Variants in EP300 observed in about 807,000 individuals in gnomAD.
EP300 encodes histone acetyltransferase p300.
Under a neutral mutation model 264.0 loss-of-function variants are expected in EP300, and 31 were observed. That is an observed-to-expected ratio of 0.12 (90% CI 0.09 to 0.16). EP300 has a LOEUF of 0.16. EP300 is among the 10% of genes least tolerant of loss of function. The pLI is 1.00. For synonymous variants in EP300, 1,340 were observed against 1,045.4 expected, an observed-to-expected ratio of 1.28 and a Z score of -5.44; for missense variants, 2,766 against 3,052.9, an observed-to-expected ratio of 0.91 and a Z score of 2.21.
chr22:41,137,571 C>T, intron 7 of EP300, 82 bp from the exon 8 acceptor site: 1 of 1,565,084 alleles, frequency 6.4e-7, no homozygotes, highest in Non-Finnish European at 8.8e-7. Flanking sequence ...GATTCCATTA[C>T]AATAATCAGT....
chr22:41,135,221 C>G (rs142018922), intron 6 of EP300, among the ~76,000 whole-genome samples: 6 of 152,260 alleles, frequency 3.9e-5, no homozygotes, highest in African/African-American at 1.4e-4. Context: ...TTCCATGTTA[C>G]GCAGAATGCA....
chr22:41,152,409 G>C (rs2145741386), intron 16 of EP300, 59 bp downstream of exon 16: 1 of 1,569,886 alleles, frequency 6.4e-7, no homozygotes. Context: ...ACCCAGGGCA[G>C]AATTGCGGTC....
At position 41,170,526 on chromosome 22, in the gene EP300, A is replaced by G; in HGVS notation, c.4407A>G (p.Lys1469=). 6.2e-7 allele frequency: 1 copy of G among 1,614,178 alleles called. No individual in the cohort carries two copies. The highest frequency in any genetic ancestry group is 8.5e-7 in the Non-Finnish European group (1 of 1,180,022). ...AGCGACTGCAGGAATGGTACAAAAA[A>G]ATGCTTGACAAGGCTGTATCAGAGC... ...KPKRLQEWYK[K]MLDKAVSERI... Residue 1469 remains lysine, a synonymous_variant, in exon 27 of 31, where the codon AAA becomes AAG. Coordinates refer to ENST00000263253, the MANE Select transcript of EP300 (RefSeq NM_001429.4).
At chr22:41,167,457 T>G (rs1355525614) in intron 23 of EP300, among the ~76,000 whole-genome samples, 3 of 151,594 alleles carry the variant, frequency 2.0e-5, no homozygotes, top group South Asian at 2.1e-4. Context: ...ATCTACAGAT[T>G]ATTTTGATTC....
chr22:41,171,438 G>A (rs911444084), intron 27 of EP300, among the ~76,000 whole-genome samples: 4 of 152,104 alleles, frequency 2.6e-5, no homozygotes, highest in Non-Finnish European at 4.4e-5. Flanking sequence ...CCAGGCTCAA[G>A]CCATCCTCCC....
chr22:41,159,588 C>T (rs1487059036), intron 19 of EP300: 1 of 152,218 alleles, frequency 6.6e-6, no homozygotes, highest in Non-Finnish European at 1.5e-5. Context: ...TAATCAGGTA[C>T]CTGCACACAT....
intron 2 of EP300, among the ~76,000 whole-genome samples, chr22:41,120,234 T>G (rs991977736): frequency 1.3e-5 from 2 of 152,182 alleles, no homozygotes; most frequent in Non-Finnish European, 2.9e-5. Context: ...TAGGATAAGA[T>G]AACCACTTAA....
At chr22:41,163,087 G>A (rs993849350) in intron 21 of EP300, among the ~76,000 whole-genome samples, 1 of 152,164 alleles carries the variant, frequency 6.6e-6, no homozygotes, top group African/African-American at 2.4e-5. Flanking sequence ...AAAATGGATG[G>A]GATGGTATTT....
At chr22:41,128,967 T>G (rs1170264871) in intron 4 of EP300, among the ~76,000 whole-genome samples, 1 of 152,146 alleles carries the variant, frequency 6.6e-6, no homozygotes, top group Non-Finnish European at 1.5e-5. Flanking sequence ...AAATCAATTT[T>G]GAGACTCCTT....
At chr22:41,145,505 C>A (rs1031133790) in intron 10 of EP300, among the ~76,000 whole-genome samples, 29 of 152,248 alleles carry the variant, frequency 1.9e-4, no homozygotes, top group African/African-American at 6.8e-4. Flanking sequence ...CAGGTCACTA[C>A]AGACATCTGT....
At chr22:41,098,433 G>C (rs956988931) in intron 1 of EP300, among the ~76,000 whole-genome samples, 8 of 152,246 alleles carry the variant, frequency 5.3e-5, no homozygotes, top group South Asian at 2.1e-4. Context: ...GTGCAGTGGC[G>C]CGATCTCGGG....
intron 2 of EP300, among the ~76,000 whole-genome samples, chr22:41,121,389 G>T (rs1324455302): frequency 1.3e-5 from 2 of 152,172 alleles, no homozygotes; most frequent in African/African-American, 4.8e-5. Flanking sequence ...TTAGTGTGGG[G>T]AGTAAAGAAG....
At chr22:41,150,722 C>T (rs2059039323) in intron 14 of EP300, among the ~76,000 whole-genome samples, 1 of 151,764 alleles carries the variant, frequency 6.6e-6, no homozygotes, top group Admixed American at 6.6e-5. Flanking sequence ...AACCCTGTCT[C>T]TACAAAAAAA....
chr22:41,143,927 CAG>C (rs1317730014), intron 10 of EP300, among the ~76,000 whole-genome samples: 11 of 152,138 alleles, frequency 7.2e-5, no homozygotes, highest in Non-Finnish European at 1.2e-4. Flanking sequence ...ATTATAGAAT[CAG>C]AGAGTGGCAA....
intron 17 of EP300, 98 bp from the exon 18 acceptor site, chr22:41,157,071 A>G (rs2059081405): frequency 6.6e-7 from 1 of 1,508,046 alleles, no homozygotes; most frequent in Admixed American, 1.8e-5. Context: ...CAGAAACTAA[A>G]ACACTGCCTG....
intron 1 of EP300, among the ~76,000 whole-genome samples, chr22:41,113,289 A>G (rs1309423012): frequency 6.6e-6 from 1 of 151,254 alleles, no homozygotes; most frequent in Non-Finnish European, 1.5e-5. Context: ...CTTCATTTGT[A>G]TAAAGTTGAT....
At chr22:41,134,858 C>G (rs1482090016) in intron 6 of EP300, among the ~76,000 whole-genome samples, 1 of 152,104 alleles carries the variant, frequency 6.6e-6, no homozygotes, top group Admixed American at 6.6e-5. Flanking sequence ...ATATTTTCCC[C>G]TCTTGTTTTA....
chr22:41,101,365 C>G (rs556363825), intron 1 of EP300, among the ~76,000 whole-genome samples: 9 of 152,086 alleles, frequency 5.9e-5, no homozygotes, highest in Non-Finnish European at 1.0e-4. Context: ...GCCACAGTGC[C>G]TGGCCAATTA....
At chr22:41,137,153 G>T (rs1013771030) in intron 7 of EP300, among the ~76,000 whole-genome samples, 1 of 151,922 alleles carries the variant, frequency 6.6e-6, no homozygotes, top group Non-Finnish European at 1.5e-5. Flanking sequence ...GAGGTCAGGA[G>T]TTTGAGACCA....
Sources: gnomAD v4.1 joint callset for allele counts (sites outside exome capture counted in the v4.1 genomes callset) on GRCh38, gnomAD v4.1.1 for gene constraint, MANE v1.5 for transcripts, NCBI Gene and HGNC (gene_info 2026-07-23, HGNC 2026-07-21) for gene names.